The following TXNRD2 variants were observed in gnomAD, a reference collection of about 807,000 sequenced individuals.
TXNRD2 encodes thioredoxin reductase 2, mitochondrial.
TXNRD2 carries 67 observed loss-of-function variants against 70.8 expected under a neutral mutation model. The observed-to-expected ratio is 0.95, with a 90% CI of 0.78 to 1.16. The LOEUF (loss-of-function observed/expected upper bound fraction) is 1.16. Among genes scored for constraint, TXNRD2 ranks in the 50% most tolerant of loss-of-function variants. The pLI, the probability that TXNRD2 is intolerant of heterozygous loss-of-function variation, is 0.00. For synonymous variants in TXNRD2, 301 were observed against 295.8 expected, an observed-to-expected ratio of 1.02 and a Z score of -0.18; for missense variants, 644 against 719.9, an observed-to-expected ratio of 0.89 and a Z score of 1.21.
chr22:19,933,377 A>T, intron 1 of TXNRD2: 1 of 1,182,026 alleles, frequency 8.5e-7, no homozygotes, highest in South Asian at 1.3e-5. Context: ...CTGATGGAGA[A>T]GCATCTCTCT....
At chr22:19,933,570 C>T in intron 1 of TXNRD2, 2 of 1,232,254 alleles carry the variant, frequency 1.6e-6, no homozygotes, top group Non-Finnish European at 2.1e-6. Flanking sequence ...ATGTGCTTAT[C>T]TTGGGCAGCT....
chr22:19,876,933 C>T (rs1938533193), intron 17 of TXNRD2, 107 bp downstream of exon 17: 10 of 722,460 alleles, frequency 1.4e-5, no homozygotes, highest in East Asian at 1.2e-4. Context: ...TTCTGGGTGG[C>T]GTGGCAGGTG....
chr22:19,906,238 T>C (rs1450650816), intron 8 of TXNRD2, among the ~76,000 whole-genome samples: 1 of 152,188 alleles, frequency 6.6e-6, no homozygotes, highest in Admixed American at 6.5e-5. Context: ...CAAATGAGGC[T>C]GTGACACGAG....
intron 8 of TXNRD2, chr22:19,903,050 T>C (rs1189606470): frequency 1.2e-5 from 6 of 518,236 alleles, no homozygotes; most frequent in Non-Finnish European, 2.3e-5. Flanking sequence ...GCCCCAGGAG[T>C]GCGAGGACAG....
chr22:19,892,100 C>G (rs1238615646), intron 11 of TXNRD2, among the ~76,000 whole-genome samples: 1 of 152,244 alleles, frequency 6.6e-6, no homozygotes, highest in African/African-American at 2.4e-5. Flanking sequence ...CCAGCTTGTG[C>G]GGACGTAGTG....
intron 7 of TXNRD2, 146 bp downstream of exon 7, chr22:19,915,068 T>G: frequency 1.3e-6 from 1 of 791,764 alleles, no homozygotes; most frequent in Admixed American, 2.1e-5. Flanking sequence ...TCAAGAGAAT[T>G]GGAAAGCAGA....
chr22:19,888,096 C>T (rs906368702), intron 11 of TXNRD2: 2 of 152,288 alleles, frequency 1.3e-5, no homozygotes, highest in Non-Finnish European at 2.9e-5. Flanking sequence ...AACACTGACA[C>T]TCAGGAAGCA....
chr22:19,927,091 C>T (rs1461140768), intron 2 of TXNRD2, among the ~76,000 whole-genome samples: 1 of 151,848 alleles, frequency 6.6e-6, no homozygotes, highest in African/African-American at 2.4e-5. Flanking sequence ...GTCAGGAGTT[C>T]GAGACCAGCC....
intron 5 of TXNRD2, among the ~76,000 whole-genome samples, chr22:19,916,780 A>AT (rs1224096174): frequency 1.4e-5 from 2 of 147,476 alleles, no homozygotes; most frequent in Non-Finnish European, 3.0e-5. Flanking sequence ...AGTTCATTTT[A>AT]TTTTTTGTAG....
intron 8 of TXNRD2, among the ~76,000 whole-genome samples, chr22:19,907,787 C>A (rs1238463138): frequency 2.3e-4 from 7 of 29,920 alleles, no homozygotes; most frequent in Admixed American, 5.1e-4. Context: ...TAGCAGTGAC[C>A]GCTCTCAGGA....
intron 11 of TXNRD2, among the ~76,000 whole-genome samples, chr22:19,889,129 G>A (rs1366807806): frequency 2.6e-5 from 4 of 152,052 alleles, no homozygotes; most frequent in Non-Finnish European, 4.4e-5. Context: ...TACCCAGGGC[G>A]GCTCCTTGGG....
chr22:19,893,389 A>G (rs1939349515), intron 11 of TXNRD2, among the ~76,000 whole-genome samples: 2 of 152,180 alleles, frequency 1.3e-5, no homozygotes, highest in Admixed American at 1.3e-4. Flanking sequence ...CCTAAACTAG[A>G]CGGCCAGGCA....
intron 11 of TXNRD2, chr22:19,894,224 T>C (rs1046971741): frequency 1.3e-5 from 2 of 152,172 alleles, no homozygotes. Context: ...GTCAGATCCA[T>C]AGAGACACAC....
chr22:19,900,309 G>A (rs1057342128), intron 8 of TXNRD2, among the ~76,000 whole-genome samples: 2 of 152,126 alleles, frequency 1.3e-5, no homozygotes, highest in Non-Finnish European at 2.9e-5. Context: ...TGGGAAACAG[G>A]CACCACGGTA....
At chr22:19,897,500 C>T (rs1202326836) in intron 10 of TXNRD2, among the ~76,000 whole-genome samples, 1 of 152,210 alleles carries the variant, frequency 6.6e-6, no homozygotes, top group Non-Finnish European at 1.5e-5. Context: ...CTGCTGGCCA[C>T]ATGAGTGTGT....
At chr22:19,909,670 T>A (rs866997117) in intron 8 of TXNRD2, among the ~76,000 whole-genome samples, 29 of 50,264 alleles carry the variant, frequency 5.8e-4, no homozygotes, top group South Asian at 2.0e-3. Flanking sequence ...CACACACCAC[T>A]CACACACACT....
chr22:19,893,748 C>T (rs1273120010), intron 11 of TXNRD2, among the ~76,000 whole-genome samples: 4 of 152,220 alleles, frequency 2.6e-5, no homozygotes, highest in South Asian at 2.1e-4. Flanking sequence ...GGCCGGGAAA[C>T]GCCCAGGCCT....
chr22:19,891,041 C>T (rs969868595), intron 11 of TXNRD2, among the ~76,000 whole-genome samples: 2 of 152,180 alleles, frequency 1.3e-5, no homozygotes, highest in Non-Finnish European at 2.9e-5. Flanking sequence ...CTGTGTGGTG[C>T]CAAGAGGAAG....
chr22:19,914,945 C>G, intron 7 of TXNRD2: 2 of 482,172 alleles, frequency 4.1e-6, no homozygotes, highest in Non-Finnish European at 7.7e-6. Context: ...AAGCAGGATC[C>G]TGGTGTGGAA....
Sources: gnomAD v4.1 joint callset for allele counts (sites outside exome capture counted in the v4.1 genomes callset) on GRCh38, gnomAD v4.1.1 for gene constraint, MANE v1.5 for transcripts, NCBI Gene and HGNC (gene_info 2026-07-23, HGNC 2026-07-21) for gene names.